The following KHDRBS3 variants were observed in gnomAD, a reference collection of about 807,000 sequenced individuals.
KHDRBS3 encodes KH domain-containing, RNA-binding, signal transduction-associated protein 3.
KHDRBS3 carries 23 observed loss-of-function variants against 45.6 expected under a neutral mutation model. The observed-to-expected ratio is 0.50, with a 90% CI of 0.36 to 0.72. The LOEUF (loss-of-function observed/expected upper bound fraction) is 0.72. KHDRBS3 is among the 30% of genes least tolerant of loss of function. KHDRBS3 has a pLI of 0.00. For synonymous variants in KHDRBS3, 162 were observed against 156.5 expected (o/e 1.04, Z -0.26); for missense variants, 352 against 424.8 (o/e 0.83, Z 1.51).
At chr8:135,590,699 C>G (rs1379701254) in intron 6 of KHDRBS3, among the ~76,000 whole-genome samples, 2 of 152,120 alleles carry the variant, frequency 1.3e-5, no homozygotes, top group African/African-American at 4.8e-5. Flanking sequence ...CTTTTGAATT[C>G]TAAAACATCT....
chr8:135,506,444 C>T (rs1030797121), intron 1 of KHDRBS3, among the ~76,000 whole-genome samples: 1 of 149,328 alleles, frequency 6.7e-6, no homozygotes, highest in African/African-American at 2.5e-5. Context: ...TGCTCTGTTG[C>T]CCAGGCTGGA....
chr8:135,562,200 T>A (rs747173300), intron 5 of KHDRBS3, among the ~76,000 whole-genome samples: 1 of 152,218 alleles, frequency 6.6e-6, no homozygotes, highest in Non-Finnish European at 1.5e-5. Flanking sequence ...TCATGGTAAG[T>A]GCCCTATCTA....
At chr8:135,593,244 C>A (rs912142851) in intron 6 of KHDRBS3, 2 of 152,072 alleles carry the variant, frequency 1.3e-5, no homozygotes, top group Non-Finnish European at 2.9e-5. Flanking sequence ...GCTAAAGTGG[C>A]ATATTTTGGG....
rs751635153 is a variant in KHDRBS3, at chr8:135,480,765, A to G, written c.88+22811A>G. 3.9e-5 allele frequency among the ~76,000 whole-genome samples: 6 copies of G among 152,306 alleles called. 1 individual carries two copies. The South Asian group carries it at 1.0e-3, about 26-fold the overall frequency. On this transcript the variant is annotated intron_variant, in intron 1 of 8. Transcript: ENST00000355849. ...CATATGAAATTTTATATTAAGTTTA[A>G]TATTCTGTCGTAGTCATTTTCTTAA...
At chr8:135,622,269 T>A (rs2131093933) in intron 7 of KHDRBS3, among the ~76,000 whole-genome samples, 1 of 152,342 alleles carries the variant, frequency 6.6e-6, no homozygotes, top group African/African-American at 2.4e-5. Context: ...AGAATTTTAC[T>A]TTACATCAGT....
chr8:135,517,852 A>G (rs888362034), intron 1 of KHDRBS3, among the ~76,000 whole-genome samples: 1 of 152,210 alleles, frequency 6.6e-6, no homozygotes, highest in Non-Finnish European at 1.5e-5. Context: ...TTCCAACATC[A>G]TTCAAAATTT....
rs1227187420 is a variant in KHDRBS3, at chr8:135,518,970, ACT to A, written c.89-2264_89-2263del. On this transcript the variant is annotated intron_variant, in intron 1 of 8. Coordinates refer to ENST00000355849, the MANE Select transcript of KHDRBS3 (RefSeq NM_006558.3). ...AGAAAAAATCAATAAAATTAAAGGT[ACT>A]CTTCTATTTCTGTGTATATTTTTCC... Among the ~76,000 whole-genome samples the A allele has an allele frequency of 3.3e-5, 5 of 152,138 alleles. No homozygotes were observed. The East Asian group carries it at 9.6e-4, about 29-fold the overall frequency.
intron 7 of KHDRBS3, among the ~76,000 whole-genome samples, chr8:135,635,051 A>G (rs1335595573): frequency 6.6e-6 from 1 of 152,194 alleles, no homozygotes; most frequent in Non-Finnish European, 1.5e-5. Context: ...GAGCCACAAC[A>G]TGCTTTAATG....
intron 1 of KHDRBS3, among the ~76,000 whole-genome samples, chr8:135,514,549 G>A (rs1436910367): frequency 1.3e-5 from 2 of 152,178 alleles, no homozygotes; most frequent in Admixed American, 1.3e-4. Flanking sequence ...TAGTTACCAA[G>A]GGCTGAGGGG....
chr8:135,553,971 T>A (rs1460254965), intron 4 of KHDRBS3, among the ~76,000 whole-genome samples: 1 of 152,148 alleles, frequency 6.6e-6, no homozygotes, highest in Admixed American at 6.6e-5. Context: ...TTAAAAGCAT[T>A]TTTCAAAGAC....
At chr8:135,614,817 C>T (rs1490438789) in intron 7 of KHDRBS3, among the ~76,000 whole-genome samples, 1 of 151,764 alleles carries the variant, frequency 6.6e-6, no homozygotes, top group Non-Finnish European at 1.5e-5. Flanking sequence ...GTAAGGCGGA[C>T]TTTATTCAGG....
At chr8:135,544,867 A>T (rs954999824) in intron 3 of KHDRBS3, among the ~76,000 whole-genome samples, 8 of 151,952 alleles carry the variant, frequency 5.3e-5, no homozygotes, top group Admixed American at 2.6e-4. Context: ...TACATTGTGG[A>T]TTTACAATCC....
intron 1 of KHDRBS3, among the ~76,000 whole-genome samples, chr8:135,484,503 C>G (rs1434801493): frequency 6.6e-6 from 1 of 152,252 alleles, no homozygotes; most frequent in African/African-American, 2.4e-5. Context: ...TGAACTGGCT[C>G]TGGCCAGTTT....
chr8:135,622,946 G>A (rs1488648279), intron 7 of KHDRBS3, among the ~76,000 whole-genome samples: 4 of 152,150 alleles, frequency 2.6e-5, no homozygotes, highest in African/African-American at 7.2e-5. Context: ...CAGCCTTCCC[G>A]GCCTTCCTGC....
intron 7 of KHDRBS3, among the ~76,000 whole-genome samples, chr8:135,622,659 G>T (rs1830196791): frequency 1.3e-5 from 2 of 152,156 alleles, no homozygotes; most frequent in Non-Finnish European, 2.9e-5. Flanking sequence ...ATACCAGATG[G>T]AAGGATTGGC....
chr8:135,485,016 T>G (rs1822776140), intron 1 of KHDRBS3, among the ~76,000 whole-genome samples: 3 of 152,204 alleles, frequency 2.0e-5, no homozygotes, highest in African/African-American at 7.2e-5. Flanking sequence ...GACCAGGATG[T>G]GTACAGTGGC....
At chr8:135,628,685 C>G (rs972323578) in intron 7 of KHDRBS3, among the ~76,000 whole-genome samples, 12 of 152,146 alleles carry the variant, frequency 7.9e-5, no homozygotes, top group Admixed American at 7.9e-4. Context: ...GTAGTAGTTG[C>G]AATAGGGTCA....
At chr8:135,616,874 A>T (rs1033557633) in intron 7 of KHDRBS3, among the ~76,000 whole-genome samples, 1 of 152,156 alleles carries the variant, frequency 6.6e-6, no homozygotes, top group Admixed American at 6.5e-5. Context: ...TTTTTTAAAT[A>T]ATTTTTTCTA....
chr8:135,557,110 C>T (rs1292165623), intron 4 of KHDRBS3, among the ~76,000 whole-genome samples: 2 of 152,102 alleles, frequency 1.3e-5, no homozygotes, highest in Non-Finnish European at 2.9e-5. Flanking sequence ...ATAATCAATA[C>T]CTGCTAGTTG....
Sources: allele counts gnomAD v4.1 joint callset (sites outside exome capture counted in the v4.1 genomes callset), GRCh38; gene constraint gnomAD v4.1.1; transcripts MANE v1.5; gene names NCBI Gene and HGNC (gene_info 2026-07-23, HGNC 2026-07-21).